PIEZO2: variants seen among roughly 807,000 people sequenced by gnomAD.
PIEZO2 encodes piezo-type mechanosensitive ion channel component 2.
In PIEZO2, 172 loss-of-function variants were observed where a neutral mutation model predicts 337.3. The observed-to-expected ratio is 0.51, with a 90% CI of 0.45 to 0.58. The LOEUF (loss-of-function observed/expected upper bound fraction) is 0.58, where lower values mean the gene tolerates loss of function less well. Among genes scored for constraint, PIEZO2 ranks in the 20% least tolerant of loss-of-function variants. The pLI is 0.00. For missense variants in PIEZO2, 3,028 were observed against 3,391.3 expected, an observed-to-expected ratio of 0.89 and a Z score of 2.66; for synonymous variants, 1,251 against 1,228.5, an observed-to-expected ratio of 1.02 and a Z score of -0.38.
intron 3 of PIEZO2, among the ~76,000 whole-genome samples, chr18:10,978,179 T>C (rs2145479738): frequency 6.6e-6 from 1 of 151,624 alleles, no homozygotes; most frequent in Admixed American, 6.6e-5. Flanking sequence ...AAAAATAAAA[T>C]AAAATAAATA....
rs2035633577 is a variant in PIEZO2, at chr18:10,707,501, A to C, written c.5588+774T>G. On this transcript the variant is annotated intron_variant, in intron 40 of 55. Transcript: ENST00000674853. The surrounding 1 kb of genome is among the most constrained non-coding windows in gnomAD (Gnocchi z 4.2). Reference sequence around the variant, plus strand: ...TTGCCACCATGAGCAGTCAAAACGAAACTTGTCTTGGATTAGGCTGTTTTC... The same window carrying C: ...TTGCCACCATGAGCAGTCAAAACGACACTTGTCTTGGATTAGGCTGTTTTC... Among the ~76,000 whole-genome samples, 1 of 152,120 alleles carries C rather than the reference A, an allele frequency of 6.6e-6. No homozygotes were observed. Among genetic ancestry groups the C allele is most frequent in the African/African-American group, 2.4e-5 (1 of 41,426 alleles).
At chr18:10,910,177 T>A (rs979213426) in intron 4 of PIEZO2, among the ~76,000 whole-genome samples, 1 of 152,248 alleles carries the variant, frequency 6.6e-6, no homozygotes, top group Non-Finnish European at 1.5e-5. Flanking sequence ...AAAATGACTT[T>A]TTTTCTTTCA....
rs1437922171 is a variant in PIEZO2, at chr18:10,878,508, G to A, written c.330-7093C>T. ...CATGCAGATTTCATTGTCAAAATTG[G>A]AAGCTATAACTCATTAAAACATATG... On this transcript the variant is annotated intron_variant, in intron 4 of 55. Coordinates refer to ENST00000674853, the MANE Select transcript of PIEZO2 (RefSeq NM_001378183.1). The surrounding 1 kb of genome is among the most constrained non-coding windows in gnomAD (Gnocchi z 4.3). 6.6e-6 allele frequency among the ~76,000 whole-genome samples: 1 copy of A among 152,114 alleles called. No individual in the cohort carries two copies. The highest frequency in any genetic ancestry group is 1.5e-5 in the Non-Finnish European group (1 of 68,046).
At chr18:10,840,496 C>A (rs1418553078) in intron 7 of PIEZO2, among the ~76,000 whole-genome samples, 1 of 152,046 alleles carries the variant, frequency 6.6e-6, no homozygotes, top group Admixed American at 6.6e-5. Flanking sequence ...ATTTTTATAT[C>A]AACATTAATG....
In PIEZO2 at chr18:11,078,133, T is replaced by TACAAACACACTCACCACACAC. The variant is rs2038616388; in HGVS notation, c.65-11912_65-11911insGTGTGTGGTGAGTGTGTTTGT. Among the ~76,000 whole-genome samples the TACAAACACACTCACCACACAC allele has an allele frequency of 7.3e-6, 1 of 137,670 alleles. No homozygotes were observed. The highest frequency in any genetic ancestry group is 1.5e-5 in the Non-Finnish European group (1 of 65,368). The allele number at this position is 137,670 out of a possible 152,430, so 90.3% of individuals were successfully genotyped here. ...CACATATACACACCATACACACACATACACACACACTCACCACACACACAC... is the reference window on the plus strand; with the variant it reads ...CACATATACACACCATACACACACATACAAACACACTCACCACACACACACACACACTCACCACACACACAC... On this transcript the variant is annotated intron_variant, in intron 1 of 55. Transcript: ENST00000674853. The surrounding 1 kb of genome is among the most constrained non-coding windows in gnomAD (Gnocchi z 5.3).
At position 10,704,462 on chromosome 18, in the gene PIEZO2, G is replaced by A. The variant is rs1567966803; in HGVS notation, c.6190C>T (p.Leu2064Phe). ...CTGGGGACGGACAACATGGCCCAGA[G>A]GAAGATGAGGATGGGAAGCAGGAGC... The part of the protein sequence containing the change: ...ITLLLPILIF[L>F]WAMLSVPRPS... The change falls in exon 42 of 56, where the codon CTC becomes TTC. Residue 2064 changes from leucine to phenylalanine, a missense_variant. Leu to Phe is a conservative substitution (Grantham distance 22, BLOSUM62 0). Around this residue, in one of 5 missense-constraint regions of PIEZO2, gnomAD observed 1,925 missense variants for 2,051.9 expected, o/e 0.94. Transcript: ENST00000674853. 6.5e-7 allele frequency: 1 copy of A among 1,537,270 alleles called. No homozygotes were observed. The highest frequency in any genetic ancestry group is 8.7e-7 in the Non-Finnish European group (1 of 1,146,908).
At chr18:10,966,332 C>T (rs1598754941) in intron 3 of PIEZO2, among the ~76,000 whole-genome samples, 1 of 152,180 alleles carries the variant, frequency 6.6e-6, no homozygotes, top group Admixed American at 6.5e-5. Flanking sequence ...TCATCGCCAC[C>T]CTAGCTAAAG....
chr18:10,689,542 GTGGTAGTTTTTGCCTCA>G, intron 49 of PIEZO2, 96 bp downstream of exon 49: 1 of 1,369,868 alleles, frequency 7.3e-7, no homozygotes, highest in Non-Finnish European at 1.0e-6. Context: ...TTTATAGGTT[GTGGTAGTTTTTGCCTCA>G]TGCCTTCATT....
At chr18:10,970,415 C>T (rs2034188168) in intron 3 of PIEZO2, among the ~76,000 whole-genome samples, 1 of 152,164 alleles carries the variant, frequency 6.6e-6, no homozygotes, top group African/African-American at 2.4e-5. Flanking sequence ...ACACGGGTGC[C>T]CAGGGCCCCG....
chr18:10,724,837 G>A lies in PIEZO2; in HGVS notation c.5029+6570C>T, dbSNP rs583258. The A allele has an allele frequency of 7.8e-5, 124 of 1,597,680 alleles. 3 individuals carry two copies. In the South Asian group the frequency reaches 9.8e-4, roughly 13 times the overall value. On this transcript the variant is annotated intron_variant, in intron 36 of 55. Coordinates refer to ENST00000674853, the MANE Select transcript of PIEZO2 (RefSeq NM_001378183.1). The surrounding 1 kb of genome is among the most constrained non-coding windows in gnomAD (Gnocchi z 5.8). ...GTTCTCACAGATGCACCTGGGCCAC[G>A]GCGGCCACATGCGTCGCAGTGAGAG...
At chr18:10,965,139 A>G (rs1385105784) in intron 3 of PIEZO2, among the ~76,000 whole-genome samples, 1 of 152,004 alleles carries the variant, frequency 6.6e-6, no homozygotes, top group Non-Finnish European at 1.5e-5. Flanking sequence ...TGTGTTTTCA[A>G]TTCTTTTATG....
intron 3 of PIEZO2, among the ~76,000 whole-genome samples, chr18:10,939,844 T>A (rs2032624547): frequency 6.6e-6 from 1 of 151,974 alleles, no homozygotes; most frequent in African/African-American, 2.4e-5. Context: ...AGATGATGAG[T>A]TGATAGGCGC....
Position 10,759,936 on chromosome 18 carries a change from A to AG in PIEZO2, c.3451-28_3451-27insC, listed in dbSNP as rs1268811581. 1.3e-6 allele frequency: 2 copies of AG among 1,527,080 alleles called. No individual in the cohort carries two copies. Among genetic ancestry groups the AG allele is most frequent in the East Asian group, 4.9e-5 (2 of 40,772 alleles). The allele number at this position is 1,527,080 out of a possible 1,614,324, so 94.6% of individuals were successfully genotyped here. On this transcript the variant is annotated intron_variant, in intron 24 of 55. Coordinates refer to ENST00000674853, the MANE Select transcript of PIEZO2 (RefSeq NM_001378183.1). The surrounding 1 kb of genome is among the most constrained non-coding windows in gnomAD (Gnocchi z 5.5). ...TGTGTAAAGATGAAAAGAGGCAAAA[A>AG]AAAAAAATCAGGCATATGGGAAAGG... is the stretch of plus-strand genomic sequence containing the variant.
intron 2 of PIEZO2, among the ~76,000 whole-genome samples, chr18:11,023,693 C>G (rs778386750): frequency 6.6e-6 from 1 of 152,198 alleles, no homozygotes; most frequent in Non-Finnish European, 1.5e-5. Flanking sequence ...CACTGTGGAG[C>G]AGGGGGCGGC....
chr18:10,712,832 A>G (rs1318700746), intron 39 of PIEZO2, among the ~76,000 whole-genome samples: 3 of 152,258 alleles, frequency 2.0e-5, no homozygotes, highest in Non-Finnish European at 4.4e-5. Flanking sequence ...AAAACTTTAA[A>G]CCAAATCTCA....
In PIEZO2 at chr18:10,682,325, C is replaced by G. The variant is rs1400106490; in HGVS notation, c.7498-33G>C. On this transcript the variant is annotated intron_variant, in intron 49 of 55. Transcript: ENST00000674853. This position sits in a 1 kb window ranked among gnomAD's most constrained non-coding sequence, Gnocchi z 5.6. ...AGAGAGTTCAGACAAGGCTCAGGCTCAGGCTCAGGTGCTTTCCCGCAGGCA... is the reference window on the plus strand; with the variant it reads ...AGAGAGTTCAGACAAGGCTCAGGCTGAGGCTCAGGTGCTTTCCCGCAGGCA... The G allele has an allele frequency of 3.3e-6, 5 of 1,512,484 alleles. No individual in the cohort carries two copies. Among genetic ancestry groups the G allele is most frequent in the Admixed American group, 2.0e-5 (1 of 49,576 alleles). 93.7% of individuals were successfully genotyped at this position (1,512,484 alleles called of 1,614,324 possible).
In PIEZO2 at chr18:11,005,300, C is replaced by G. The variant is rs1286113785; in HGVS notation, c.161-25640G>C. On this transcript the variant is annotated intron_variant, in intron 2 of 55. Coordinates refer to ENST00000674853, the MANE Select transcript of PIEZO2 (RefSeq NM_001378183.1). Reference sequence around the variant, plus strand: ...TCCTTTAGGAAAATAATAAATTTGACCCTGATACAAAGTTCCCACCATGCT... The same window carrying G: ...TCCTTTAGGAAAATAATAAATTTGAGCCTGATACAAAGTTCCCACCATGCT... 2.6e-5 allele frequency among the ~76,000 whole-genome samples: 4 copies of G among 152,208 alleles called. No homozygotes were observed. The East Asian group carries it at 7.7e-4, about 29-fold the overall frequency.
chr18:10,904,889 G>A (rs145369852), intron 4 of PIEZO2, among the ~76,000 whole-genome samples: 18 of 152,368 alleles, frequency 1.2e-4, no homozygotes, highest in African/African-American at 4.3e-4. Context: ...TGTGAACACA[G>A]AAGCCAGCAT....
intron 3 of PIEZO2, among the ~76,000 whole-genome samples, chr18:10,932,738 C>CA (rs1282432806): frequency 6.6e-6 from 1 of 151,950 alleles, no homozygotes; most frequent in Non-Finnish European, 1.5e-5. Flanking sequence ...GCTTGGGCAA[C>CA]ATAGGGAGAC....
Sources: allele counts gnomAD v4.1 joint callset (sites outside exome capture counted in the v4.1 genomes callset), GRCh38; gene constraint gnomAD v4.1.1; regional missense constraint gnomAD v4.1.1; non-coding constraint Gnocchi (gnomAD v3.1); transcripts MANE v1.5; gene names NCBI Gene and HGNC (gene_info 2026-07-23, HGNC 2026-07-21).